Variants in CAPZA2 observed in about 807,000 individuals in gnomAD.
The protein encoded by CAPZA2 is F-actin-capping protein subunit alpha-2.
Under a neutral mutation model 44.0 loss-of-function variants are expected in CAPZA2, and 13 were observed. The observed-to-expected ratio is 0.30, with a 90% CI of 0.19 to 0.47. CAPZA2 has a LOEUF of 0.47. CAPZA2 is among the 20% of genes least tolerant of loss of function. CAPZA2 has a pLI of 1.00. For missense variants in CAPZA2, 244 were observed against 338.6 expected (o/e 0.72, Z 2.19); for synonymous variants, 94 against 108.2 (o/e 0.87, Z 0.81).
At chr7:116,871,801 T>C (rs1796556920) in intron 1 of CAPZA2, among the ~76,000 whole-genome samples, 1 of 152,242 alleles carries the variant, frequency 6.6e-6, no homozygotes, top group South Asian at 2.1e-4. Flanking sequence ...TGTCCTTATT[T>C]CCTGTGTTCT....
intron 1 of CAPZA2, among the ~76,000 whole-genome samples, chr7:116,884,511 G>A (rs1796736905): frequency 6.6e-6 from 1 of 152,034 alleles, no homozygotes; most frequent in African/African-American, 2.4e-5. Context: ...GAATACTGTA[G>A]AGTTACTATG....
intron 8 of CAPZA2, among the ~76,000 whole-genome samples, chr7:116,913,977 T>A (rs533237118): frequency 1.4e-4 from 22 of 151,992 alleles, no homozygotes; most frequent in African/African-American, 4.8e-4. Context: ...AGTATCTGTG[T>A]ATTATAAACA....
chr7:116,879,702 C>T (rs949876559), intron 1 of CAPZA2, among the ~76,000 whole-genome samples: 6 of 152,108 alleles, frequency 3.9e-5, no homozygotes, highest in Non-Finnish European at 5.9e-5. Context: ...GCTGTGTGAC[C>T]GGGTTCCTAA....
At chr7:116,882,123 C>A (rs562630928) in intron 1 of CAPZA2, among the ~76,000 whole-genome samples, 2 of 152,196 alleles carry the variant, frequency 1.3e-5, no homozygotes, top group Admixed American at 1.3e-4. Flanking sequence ...TGGTGTATGG[C>A]GAGTTTCCTC....
At chr7:116,873,093 G>T (rs186279301) in intron 1 of CAPZA2, among the ~76,000 whole-genome samples, 12 of 152,018 alleles carry the variant, frequency 7.9e-5, no homozygotes, top group Non-Finnish European at 1.5e-4. Flanking sequence ...TGATCATGGC[G>T]GCCCATACCA....
At chr7:116,870,564 T>C (rs775039667) in intron 1 of CAPZA2, among the ~76,000 whole-genome samples, 5 of 152,182 alleles carry the variant, frequency 3.3e-5, no homozygotes, top group African/African-American at 7.2e-5. Flanking sequence ...GTAGGGTGTT[T>C]AGCAACATCC....
At chr7:116,901,932 T>C (rs1797001549) in intron 4 of CAPZA2, among the ~76,000 whole-genome samples, 1 of 151,266 alleles carries the variant, frequency 6.6e-6, no homozygotes, top group Admixed American at 6.6e-5. Flanking sequence ...TATATATATA[T>C]GTATATATTT....
intron 2 of CAPZA2, among the ~76,000 whole-genome samples, chr7:116,890,543 TATATATATATATATATATATATATACAC>T (rs1286400239): frequency 0.063 from 772 of 12,276 alleles, 8 homozygotes; most frequent in Non-Finnish European, 0.079. Context: ...TATATATATA[TATATATATATATATATATATATATACAC>T]ATATATATAT....
intron 6 of CAPZA2, among the ~76,000 whole-genome samples, chr7:116,907,724 T>C (rs1283140304): frequency 6.6e-6 from 1 of 152,174 alleles, no homozygotes; most frequent in Admixed American, 6.5e-5. Context: ...CAAGTGATCC[T>C]CCTGCCTCCG....
chr7:116,876,039 C>G (rs1796616605), intron 1 of CAPZA2: 2 of 152,062 alleles, frequency 1.3e-5, no homozygotes, highest in Admixed American at 6.5e-5. Context: ...ATCACGAGAT[C>G]AGGAGATCGA....
chr7:116,871,826 T>TA (rs1264464468), intron 1 of CAPZA2, among the ~76,000 whole-genome samples: 4 of 152,240 alleles, frequency 2.6e-5, no homozygotes, highest in Admixed American at 2.6e-4. Context: ...GGCCAGGCCT[T>TA]ATGTCTTCAC....
chr7:116,904,987 A>AAAAAAAAAAAC (rs1791472157), intron 5 of CAPZA2, among the ~76,000 whole-genome samples: 1 of 149,862 alleles, frequency 6.7e-6, no homozygotes, highest in Non-Finnish European at 1.5e-5. Context: ...AAAAAAAAAA[A>AAAAAAAAAAAC]AACAATTAGC....
chr7:116,879,113 T>A (rs1796656280), intron 1 of CAPZA2, among the ~76,000 whole-genome samples: 1 of 95,974 alleles, frequency 1.0e-5, no homozygotes, highest in African/African-American at 4.2e-5. Flanking sequence ...CGACAGAGCA[T>A]AACTCTGTCT....
chr7:116,908,673 G>A (rs1323633071), intron 6 of CAPZA2, among the ~76,000 whole-genome samples: 1 of 151,968 alleles, frequency 6.6e-6, no homozygotes, highest in Non-Finnish European at 1.5e-5. Context: ...TTATATAAAT[G>A]TATATTGTCC....
intron 1 of CAPZA2, chr7:116,875,323 C>G (rs1796607702): frequency 6.6e-6 from 1 of 152,112 alleles, no homozygotes; most frequent in African/African-American, 2.4e-5. Flanking sequence ...AAGAACATTT[C>G]TCACTATTTA....
At chr7:116,864,373 G>A (rs1796455374) in intron 1 of CAPZA2, among the ~76,000 whole-genome samples, 1 of 152,108 alleles carries the variant, frequency 6.6e-6, no homozygotes, top group South Asian at 2.1e-4. Context: ...CACTCTCAGG[G>A]CACTAAGCTT....
At chr7:116,888,851 CA>C (rs1263066485) in intron 2 of CAPZA2, among the ~76,000 whole-genome samples, 2 of 150,888 alleles carry the variant, frequency 1.3e-5, no homozygotes, top group African/African-American at 2.4e-5. Context: ...AACAAACAAA[CA>C]AAAAAAAGTT....
chr7:116,896,357 T>G (rs1249934981), intron 3 of CAPZA2, among the ~76,000 whole-genome samples: 1 of 152,156 alleles, frequency 6.6e-6, no homozygotes, highest in East Asian at 1.9e-4. Context: ...AGCTTTTTAT[T>G]CAACAGACAT....
chr7:116,876,756 A>G (rs1408963762), intron 1 of CAPZA2, among the ~76,000 whole-genome samples: 3 of 152,228 alleles, frequency 2.0e-5, no homozygotes, highest in Non-Finnish European at 4.4e-5. Flanking sequence ...CAGAACATAC[A>G]AAACCTGACA....
Sources: allele counts gnomAD v4.1 joint callset (sites outside exome capture counted in the v4.1 genomes callset), GRCh38; gene constraint gnomAD v4.1.1; transcripts MANE v1.5; gene names NCBI Gene and HGNC (gene_info 2026-07-23, HGNC 2026-07-21).